The following STPG4 variants were observed in gnomAD, a reference collection of about 807,000 sequenced individuals.
STPG4 encodes the protein sperm-tail PG-rich repeat containing 4, also known as protein STPG4.
In STPG4, 41 loss-of-function variants were observed where a neutral mutation model predicts 31.5. The observed-to-expected ratio is 1.30, with a 90% confidence interval of 1.01 to 1.69. STPG4 has a LOEUF of 1.69. Among genes scored for constraint, STPG4 ranks in the 40% most tolerant of loss-of-function variants. STPG4 has a pLI of 0.00. For missense variants in STPG4, 375 were observed against 293.4 expected (o/e 1.28, Z -2.03); for synonymous variants, 141 against 103.0 (o/e 1.37, Z -2.24).
chr2:47,098,733 T>C lies in STPG4; in HGVS notation c.520-8359A>G, dbSNP rs147583385. ...AAAAATGATCTCCCCAAATTTGGTG[T>C]GTGTGACACACTGCTCAAAAGAGGA... On this transcript the variant is annotated intron_variant, in intron 5 of 6. Transcript: ENST00000445927. Among the ~76,000 whole-genome samples, 540 of 146,520 alleles carry C rather than the reference T, an allele frequency of 3.7e-3. 1 individual carries two copies. The highest frequency in any genetic ancestry group is 0.013 in the African/African-American group (515 of 39,774).
chr2:47,088,542 C>G (rs1014281100), intron 6 of STPG4, among the ~76,000 whole-genome samples: 4 of 152,198 alleles, frequency 2.6e-5, no homozygotes, highest in African/African-American at 9.7e-5. Context: ...GTACCTGCCT[C>G]TAGGGGGCTA....
At chr2:47,151,799 G>C (rs946665792) in intron 2 of STPG4, among the ~76,000 whole-genome samples, 2 of 151,502 alleles carry the variant, frequency 1.3e-5, no homozygotes, top group African/African-American at 2.4e-5. Context: ...GGAGTGCAGT[G>C]GCACAATCTA....
chr2:47,142,962 C>G (rs1029886334), intron 3 of STPG4, among the ~76,000 whole-genome samples: 1 of 151,080 alleles, frequency 6.6e-6, no homozygotes, highest in Non-Finnish European at 1.5e-5. Flanking sequence ...CTTAGCCTCC[C>G]GAGTAGCTGG....
intron 5 of STPG4, among the ~76,000 whole-genome samples, chr2:47,111,379 G>A (rs976244321): frequency 3.3e-5 from 5 of 152,180 alleles, no homozygotes; most frequent in African/African-American, 1.2e-4. Flanking sequence ...ACATTCAGGA[G>A]GGAATAAAAT....
intron 5 of STPG4, among the ~76,000 whole-genome samples, chr2:47,101,654 T>G (rs1018707481): frequency 6.6e-6 from 1 of 151,812 alleles, no homozygotes. Flanking sequence ...GACATAATTT[T>G]TGCCCAAAGC....
chr2:47,151,924 T>G (rs76150458), intron 2 of STPG4, among the ~76,000 whole-genome samples: 435 of 12,734 alleles, frequency 0.034, 6 homozygotes, highest in Middle Eastern at 0.33. Flanking sequence ...GTTTTGTTTT[T>G]TTTTTTTTTT....
chr2:47,133,109 T>C (rs1055209525), intron 3 of STPG4, among the ~76,000 whole-genome samples: 23 of 152,176 alleles, frequency 1.5e-4, no homozygotes, highest in African/African-American at 5.1e-4. Context: ...TCCATTTTCC[T>C]TGGGTCTAAT....
chr2:47,088,748 C>A (rs1383358906), intron 6 of STPG4, among the ~76,000 whole-genome samples: 2 of 152,208 alleles, frequency 1.3e-5, no homozygotes, highest in East Asian at 3.8e-4. Context: ...CCTGCAGAAA[C>A]CGCTTTAAAT....
chr2:47,144,331 G>T (rs1283189816), intron 3 of STPG4, among the ~76,000 whole-genome samples: 4 of 152,078 alleles, frequency 2.6e-5, no homozygotes, highest in Non-Finnish European at 5.9e-5. Flanking sequence ...TAACCACAGG[G>T]GATGGCTGAA....
At chr2:47,142,510 G>A (rs1456202964) in intron 3 of STPG4, among the ~76,000 whole-genome samples, 1 of 152,126 alleles carries the variant, frequency 6.6e-6, no homozygotes, top group African/African-American at 2.4e-5. Flanking sequence ...AAAAATGTTA[G>A]TTGGAAAAAA....
Position 47,087,074 on chromosome 2 carries a change from C to A in STPG4, c.681G>T (p.Pro227=), listed in dbSNP as rs200944758. The A allele has an allele frequency of 1.2e-4, 181 of 1,551,628 alleles. No homozygotes were observed. The highest frequency in any genetic ancestry group is 1.7e-4 in the Middle Eastern group (1 of 6,014). The change falls in exon 7 of 7, where the codon CCG becomes CCT. Residue 227 remains proline, a synonymous_variant. Coordinates refer to ENST00000445927, the MANE Select transcript of STPG4 (RefSeq NM_001163561.2). ...GCTCTTGGCCCATTTTGGCTATGGT[C>A]GGAGACTGCTTAGGGAATTGTCTTA... ...TTLRQFPKQS[P]TIAKMGQEHS...
intron 3 of STPG4, among the ~76,000 whole-genome samples, chr2:47,146,039 C>G (rs1186684623): frequency 6.6e-6 from 1 of 152,080 alleles, no homozygotes; most frequent in Non-Finnish European, 1.5e-5. Context: ...GTGAAAATAC[C>G]TTGAGGTAGG....
intron 3 of STPG4, among the ~76,000 whole-genome samples, chr2:47,132,984 A>G (rs1343970718): frequency 6.6e-6 from 1 of 152,096 alleles, no homozygotes; most frequent in African/African-American, 2.4e-5. Context: ...TATACTTGGC[A>G]TTTACCATTC....
chr2:47,134,143 A>G (rs902590548), intron 3 of STPG4, among the ~76,000 whole-genome samples: 1 of 152,202 alleles, frequency 6.6e-6, no homozygotes, highest in Admixed American at 6.5e-5. Context: ...TTGCTCCCAC[A>G]CATGCGTAAC....
At chr2:47,130,316 G>A (rs541371950) in intron 3 of STPG4, 56 bp from the exon 4 acceptor site, 144 of 1,374,872 alleles carry the variant, frequency 1.0e-4, no homozygotes, top group East Asian at 9.8e-4. Context: ...AACTCACTTC[G>A]TTATCTGTCA....
intron 5 of STPG4, among the ~76,000 whole-genome samples, chr2:47,105,807 T>C (rs967100341): frequency 6.6e-6 from 1 of 152,092 alleles, no homozygotes; most frequent in Non-Finnish European, 1.5e-5. Flanking sequence ...TGTATACAGA[T>C]AGCAAGTATG....
intron 3 of STPG4, among the ~76,000 whole-genome samples, chr2:47,141,643 G>C (rs902062009): frequency 6.6e-6 from 1 of 151,288 alleles, no homozygotes; most frequent in Non-Finnish European, 1.5e-5. Context: ...AGAATGAATT[G>C]TTTCATCTTT....
chr2:47,134,037 C>CATACATATACATATACATATACAT (rs144008683), intron 3 of STPG4, among the ~76,000 whole-genome samples: 11,675 of 151,584 alleles, frequency 0.077, 616 homozygotes, highest in Non-Finnish European at 0.11. Flanking sequence ...TACATATACA[C>CATACATATACATATACATATACAT]ATACATATAC....
At chr2:47,110,450 C>G (rs1182328522) in intron 5 of STPG4, among the ~76,000 whole-genome samples, 1 of 152,134 alleles carries the variant, frequency 6.6e-6, no homozygotes, top group Non-Finnish European at 1.5e-5. Context: ...AAAAATTAGC[C>G]AGGCCTGGTG....
Sources: allele counts gnomAD v4.1 joint callset (sites outside exome capture counted in the v4.1 genomes callset), GRCh38; gene constraint gnomAD v4.1.1; transcripts MANE v1.5; gene names NCBI Gene and HGNC (gene_info 2026-07-23, HGNC 2026-07-21).